The following GPC6 variants were observed in gnomAD, a reference collection of about 807,000 sequenced individuals.
GPC6 encodes glypican 6, also known as glypican-6.
Under a neutral mutation model 55.2 loss-of-function variants are expected in GPC6, and 14 were observed. The observed-to-expected ratio is 0.25, with a 90% CI of 0.17 to 0.40. GPC6 has a LOEUF of 0.40. Ranked by LOEUF, GPC6 falls within the 10% of genes least tolerant of loss-of-function variation. GPC6 has a pLI of 1.00. For synonymous variants in GPC6, 278 were observed against 259.6 expected, an observed-to-expected ratio of 1.07 and a Z score of -0.68; for missense variants, 641 against 708.5, an observed-to-expected ratio of 0.90 and a Z score of 1.08.
At chr13:94,194,730 CT>C (rs1159975674) in intron 4 of GPC6, among the ~76,000 whole-genome samples, 3 of 152,012 alleles carry the variant, frequency 2.0e-5, no homozygotes, top group African/African-American at 7.2e-5. Flanking sequence ...CAAATATGAC[CT>C]GTTCCCCAAA....
At chr13:94,008,888 A>C (rs74111404) in intron 3 of GPC6, among the ~76,000 whole-genome samples, 2,103 of 152,220 alleles carry the variant, frequency 0.014, 54 homozygotes, top group African/African-American at 0.047. Flanking sequence ...CCCCTACAAA[A>C]ATTTATGCTA....
At chr13:93,437,193 T>G (rs942300642) in intron 1 of GPC6, among the ~76,000 whole-genome samples, 1 of 152,158 alleles carries the variant, frequency 6.6e-6, no homozygotes, top group Admixed American at 6.5e-5. Context: ...CTCTTCCCTT[T>G]ACCTTGAGCC....
chr13:94,144,446 A>G (rs1354906073), intron 4 of GPC6, among the ~76,000 whole-genome samples: 1 of 134,448 alleles, frequency 7.4e-6, no homozygotes, highest in Non-Finnish European at 1.6e-5. Flanking sequence ...CACACACACC[A>G]GAAATGGAAC....
intron 4 of GPC6, among the ~76,000 whole-genome samples, chr13:94,255,433 A>G (rs1891475036): frequency 6.6e-6 from 1 of 152,172 alleles, no homozygotes; most frequent in African/African-American, 2.4e-5. Context: ...TTTTACCACT[A>G]TAGAAACAGG....
intron 4 of GPC6, among the ~76,000 whole-genome samples, chr13:94,141,765 T>C (rs1887386222): frequency 6.6e-6 from 1 of 152,190 alleles, no homozygotes; most frequent in Non-Finnish European, 1.5e-5. Flanking sequence ...CAATGATCTG[T>C]TCACTAAGAC....
intron 1 of GPC6, among the ~76,000 whole-genome samples, chr13:93,310,479 A>G (rs1291138754): frequency 1.3e-5 from 2 of 152,186 alleles, no homozygotes; most frequent in East Asian, 3.9e-4. Context: ...TTTCTGTATT[A>G]CCATGTCGAG....
intron 2 of GPC6, among the ~76,000 whole-genome samples, chr13:93,548,891 T>A (rs905357082): frequency 1.3e-4 from 20 of 152,222 alleles, no homozygotes; most frequent in Non-Finnish European, 2.2e-4. Context: ...AATGTCATGA[T>A]AAAAGTCTAT....
At chr13:94,040,255 A>G (rs1883483525) in intron 4 of GPC6, among the ~76,000 whole-genome samples, 1 of 151,780 alleles carries the variant, frequency 6.6e-6, no homozygotes, top group African/African-American at 2.4e-5. Flanking sequence ...GAATATCACA[A>G]AGCAGCCCCT....
intron 3 of GPC6, among the ~76,000 whole-genome samples, chr13:93,985,124 T>G (rs1880966745): frequency 1.3e-5 from 2 of 152,028 alleles, no homozygotes; most frequent in South Asian, 4.2e-4. Context: ...CATCACATCT[T>G]TCCAGCCAGA....
chr13:93,972,971 C>T (rs1880352672), intron 3 of GPC6, among the ~76,000 whole-genome samples: 2 of 151,844 alleles, frequency 1.3e-5, no homozygotes, highest in African/African-American at 4.8e-5. Context: ...CTCTCCCTCT[C>T]TGTCTCTCTC....
chr13:93,345,741 A>G (rs1366539559), intron 1 of GPC6, among the ~76,000 whole-genome samples: 1 of 152,206 alleles, frequency 6.6e-6, no homozygotes, highest in Non-Finnish European at 1.5e-5. Context: ...TTTTCACCAC[A>G]AAACTTTTAA....
intron 4 of GPC6, among the ~76,000 whole-genome samples, chr13:94,216,570 T>G (rs1474768618): frequency 6.6e-6 from 1 of 152,202 alleles, no homozygotes; most frequent in African/African-American, 2.4e-5. Flanking sequence ...CATAGAAGAC[T>G]TCCAAGAGTG....
chr13:93,947,157 G>T (rs1781579151), intron 3 of GPC6, among the ~76,000 whole-genome samples: 1 of 152,172 alleles, frequency 6.6e-6, no homozygotes, highest in Non-Finnish European at 1.5e-5. Flanking sequence ...GTCCTTCCTA[G>T]ATGTGCCAGC....
chr13:93,340,752 G>A (rs1483806908), intron 1 of GPC6, among the ~76,000 whole-genome samples: 2 of 152,092 alleles, frequency 1.3e-5, no homozygotes, highest in Non-Finnish European at 2.9e-5. Context: ...GGACCATAGC[G>A]AAGAAGACTT....
intron 2 of GPC6, among the ~76,000 whole-genome samples, chr13:93,567,875 G>T (rs1876214205): frequency 6.6e-6 from 1 of 152,112 alleles, no homozygotes; most frequent in Admixed American, 6.5e-5. Context: ...CAGCTGGTTT[G>T]GTGGCTCACC....
chr13:93,641,960 T>C (rs1297797578), intron 2 of GPC6, among the ~76,000 whole-genome samples: 3 of 152,046 alleles, frequency 2.0e-5, no homozygotes, highest in African/African-American at 4.8e-5. Context: ...ATATTATATA[T>C]AATTATACAT....
At chr13:93,550,375 T>A (rs1875078195) in intron 2 of GPC6, among the ~76,000 whole-genome samples, 1 of 152,184 alleles carries the variant, frequency 6.6e-6, no homozygotes, top group African/African-American at 2.4e-5. Context: ...GTGTTCTTGG[T>A]CTTATTATTT....
chr13:94,236,179 T>C (rs1890871738), intron 4 of GPC6, among the ~76,000 whole-genome samples: 1 of 152,160 alleles, frequency 6.6e-6, no homozygotes, highest in Non-Finnish European at 1.5e-5. Context: ...GGAATGTGTT[T>C]CATCATTAAT....
chr13:93,847,717 T>A (rs1433829338), intron 3 of GPC6, among the ~76,000 whole-genome samples: 1 of 152,158 alleles, frequency 6.6e-6, no homozygotes, highest in Admixed American at 6.6e-5. Flanking sequence ...TAATTCCTAT[T>A]AATTTTTAAG....
Sources: gnomAD v4.1 joint callset for allele counts (sites outside exome capture counted in the v4.1 genomes callset) on GRCh38, gnomAD v4.1.1 for gene constraint, MANE v1.5 for transcripts, NCBI Gene and HGNC (gene_info 2026-07-23, HGNC 2026-07-21) for gene names.